SGCZ: variants seen among roughly 807,000 people sequenced by gnomAD.
SGCZ encodes the protein sarcoglycan zeta.
SGCZ carries 40 observed loss-of-function variants against 41.3 expected under a neutral mutation model. The observed-to-expected ratio is 0.97, with a 90% confidence interval of 0.75 to 1.26. The LOEUF (loss-of-function observed/expected upper bound fraction) is 1.26. Ranked by LOEUF, SGCZ falls within the 50% of genes most tolerant of loss-of-function variation. The pLI is 0.00. For synonymous variants in SGCZ, 206 were observed against 137.5 expected (o/e 1.50, Z -3.49); for missense variants, 552 against 369.8 (o/e 1.49, Z -4.04).
At chr8:14,241,857 GTTC>G (rs553567003) in intron 3 of SGCZ, among the ~76,000 whole-genome samples, 224 of 152,250 alleles carry the variant, frequency 1.5e-3, no homozygotes, top group Non-Finnish European at 2.5e-3. Flanking sequence ...AATGAAATAT[GTTC>G]TTCTCATTTT....
At chr8:14,912,028 G>C (rs1799293707) in intron 1 of SGCZ, among the ~76,000 whole-genome samples, 1 of 151,926 alleles carries the variant, frequency 6.6e-6, no homozygotes, top group Admixed American at 6.6e-5. Flanking sequence ...GTGAAGAGTA[G>C]CTGCACTGAC....
At chr8:14,295,053 A>G (rs1398346907) in intron 3 of SGCZ, among the ~76,000 whole-genome samples, 1 of 152,164 alleles carries the variant, frequency 6.6e-6, no homozygotes, top group African/African-American at 2.4e-5. Flanking sequence ...CTCCTATGTG[A>G]CCCAGCATTC....
At chr8:14,818,814 G>C (rs1244412352) in intron 1 of SGCZ, among the ~76,000 whole-genome samples, 1 of 151,904 alleles carries the variant, frequency 6.6e-6, no homozygotes, top group African/African-American at 2.4e-5. Flanking sequence ...GAACAGATTA[G>C]ATCAAGCAGA....
At chr8:14,588,327 C>G (rs568822353) in intron 1 of SGCZ, among the ~76,000 whole-genome samples, 3 of 151,694 alleles carry the variant, frequency 2.0e-5, no homozygotes, top group African/African-American at 7.3e-5. Flanking sequence ...AAAGTAATGA[C>G]CAGCACAATC....
At chr8:14,309,937 TG>T (rs1801475071) in intron 3 of SGCZ, among the ~76,000 whole-genome samples, 1 of 152,080 alleles carries the variant, frequency 6.6e-6, no homozygotes, top group Admixed American at 6.6e-5. Flanking sequence ...AATGTGTTCC[TG>T]GCCCACTCTG....
chr8:14,334,630 C>G (rs1802448995), intron 2 of SGCZ, among the ~76,000 whole-genome samples: 1 of 151,756 alleles, frequency 6.6e-6, no homozygotes, highest in African/African-American at 2.4e-5. Flanking sequence ...ATTCATTTCC[C>G]AGCACAAATT....
intron 1 of SGCZ, among the ~76,000 whole-genome samples, chr8:14,960,931 G>GCA (rs56258079): frequency 0.036 from 5,193 of 144,384 alleles, 115 homozygotes; most frequent in Middle Eastern, 0.076. Context: ...CAAGGAAATG[G>GCA]CACACACACA....
chr8:14,986,517 A>T (rs1801829732), intron 1 of SGCZ, among the ~76,000 whole-genome samples: 1 of 152,090 alleles, frequency 6.6e-6, no homozygotes, highest in Admixed American at 6.6e-5. Flanking sequence ...TGCTCTTGGT[A>T]AAGTATTTGA....
intron 2 of SGCZ, among the ~76,000 whole-genome samples, chr8:14,404,737 G>A (rs1317011498): frequency 1.3e-5 from 2 of 152,128 alleles, no homozygotes; most frequent in Non-Finnish European, 2.9e-5. Flanking sequence ...GTTCCTGTTT[G>A]CTCTCAGATC....
intron 7 of SGCZ, among the ~76,000 whole-genome samples, chr8:14,094,598 G>T (rs896975432): frequency 6.6e-6 from 1 of 152,226 alleles, no homozygotes; most frequent in East Asian, 1.9e-4. Context: ...GTAAACATAC[G>T]TGTGCATGTA....
rs1054761640 is a variant in SGCZ, at chr8:14,215,727, G to C, written c.424+21865C>G. Among the ~76,000 whole-genome samples the C allele has an allele frequency of 5.3e-5, 8 of 152,100 alleles. No individual in the cohort carries two copies. The East Asian group carries it at 9.7e-4, about 18-fold the overall frequency. On this transcript the variant is annotated intron_variant, in intron 4 of 7. Coordinates refer to ENST00000382080, the MANE Select transcript of SGCZ (RefSeq NM_139167.4). Reference sequence around the variant, plus strand: ...TAAATAAGTGTATGCTCACAAATTTGTACATATAAAAATAAAACAACTCAA... The same window carrying C: ...TAAATAAGTGTATGCTCACAAATTTCTACATATAAAAATAAAACAACTCAA...
intron 1 of SGCZ, among the ~76,000 whole-genome samples, chr8:14,631,250 G>C (rs576006652): frequency 6.6e-6 from 1 of 151,150 alleles, no homozygotes; most frequent in South Asian, 2.1e-4. Flanking sequence ...ATCGGCTAAT[G>C]TAAAGGTAGT....
chr8:14,560,991 T>G (rs900942308), intron 1 of SGCZ, among the ~76,000 whole-genome samples: 1 of 152,142 alleles, frequency 6.6e-6, no homozygotes, highest in African/African-American at 2.4e-5. Context: ...CAAAATACTT[T>G]AGAGCATCTA....
At chr8:14,392,171 C>G (rs893189679) in intron 2 of SGCZ, among the ~76,000 whole-genome samples, 1 of 152,034 alleles carries the variant, frequency 6.6e-6, no homozygotes, top group Non-Finnish European at 1.5e-5. Flanking sequence ...TATTTTAATT[C>G]AATAATAGCT....
intron 2 of SGCZ, among the ~76,000 whole-genome samples, chr8:14,401,100 C>A (rs962857943): frequency 2.0e-5 from 3 of 152,068 alleles, no homozygotes; most frequent in Non-Finnish European, 2.9e-5. Flanking sequence ...CCACACTGTG[C>A]AAGATACAGC....
rs544923589 is a variant in SGCZ, at chr8:14,187,727, G to A, written c.425-23025C>T. 5.3e-5 allele frequency among the ~76,000 whole-genome samples: 8 copies of A among 152,206 alleles called. No individual in the cohort carries two copies. In the East Asian group the frequency reaches 1.4e-3, roughly 26 times the overall value. Reference sequence around the variant, plus strand: ...GACACCATTAAGAATGTGAACGTGTGTGTAATAGGAATACCGGAGTAGAGG... The same window carrying A: ...GACACCATTAAGAATGTGAACGTGTATGTAATAGGAATACCGGAGTAGAGG... On this transcript the variant is annotated intron_variant, in intron 4 of 7. Transcript: ENST00000382080.
At chr8:14,771,849 A>G (rs1800250763) in intron 1 of SGCZ, among the ~76,000 whole-genome samples, 2 of 152,166 alleles carry the variant, frequency 1.3e-5, no homozygotes, top group African/African-American at 4.8e-5. Context: ...ATATTTCTTC[A>G]TGAAAATTCC....
intron 1 of SGCZ, among the ~76,000 whole-genome samples, chr8:14,916,845 C>G (rs73517351): frequency 1.3e-5 from 2 of 151,784 alleles, no homozygotes; most frequent in South Asian, 2.1e-4. Flanking sequence ...TAAAAATAGA[C>G]GCATAGTTAT....
At chr8:14,786,727 G>C (rs1800777937) in intron 1 of SGCZ, among the ~76,000 whole-genome samples, 1 of 151,834 alleles carries the variant, frequency 6.6e-6, no homozygotes, top group Non-Finnish European at 1.5e-5. Flanking sequence ...ATATCTAAAG[G>C]GAATCATGAA....
Sources: gnomAD v4.1 joint callset for allele counts (sites outside exome capture counted in the v4.1 genomes callset) on GRCh38, gnomAD v4.1.1 for gene constraint, MANE v1.5 for transcripts, NCBI Gene and HGNC (gene_info 2026-07-23, HGNC 2026-07-21) for gene names.